Variants in NRXN1 observed in about 807,000 individuals in gnomAD.
NRXN1 encodes the protein neurexin 1.
A neutral mutation model predicts 150.9 loss-of-function variants in NRXN1; 39 were observed. The ratio of observed to expected loss-of-function variants is 0.26; its 90% CI spans 0.20 to 0.34. The LOEUF (loss-of-function observed/expected upper bound fraction) is 0.34. Ranked by LOEUF, NRXN1 falls within the 10% of genes least tolerant of loss-of-function variation. The pLI, the probability that NRXN1 is intolerant of heterozygous loss-of-function variation, is 1.00. For synonymous variants in NRXN1, 924 were observed against 757.0 expected (o/e 1.22, Z -3.62); for missense variants, 1,815 against 1,949.9 (o/e 0.93, Z 1.30).
At chr2:50,281,676 C>G (rs1438572947) in intron 17 of NRXN1, among the ~76,000 whole-genome samples, 1 of 152,114 alleles carries the variant, frequency 6.6e-6, no homozygotes, top group Non-Finnish European at 1.5e-5. Context: ...AGATGATAAA[C>G]TGTTCCCAAT....
chr2:50,205,545 G>A (rs765930440), intron 18 of NRXN1, among the ~76,000 whole-genome samples: 3 of 151,918 alleles, frequency 2.0e-5, no homozygotes, highest in African/African-American at 7.2e-5. Flanking sequence ...TGCAACATAC[G>A]GAATATATGT....
At chr2:49,933,807 C>T (rs549785745) in intron 22 of NRXN1, among the ~76,000 whole-genome samples, 43 of 152,172 alleles carry the variant, frequency 2.8e-4, no homozygotes, top group Non-Finnish European at 5.6e-4. Context: ...GCTGTCCCAA[C>T]AATTATACAG....
chr2:50,173,462 T>C (rs1373978376), intron 18 of NRXN1, among the ~76,000 whole-genome samples: 3 of 152,300 alleles, frequency 2.0e-5, no homozygotes, highest in East Asian at 1.9e-4. Context: ...ATTTTGAAGA[T>C]TGAGTACAGT....
At chr2:50,940,485 AAAAAG>A (rs1558458958) in intron 2 of NRXN1, among the ~76,000 whole-genome samples, 3 of 151,710 alleles carry the variant, frequency 2.0e-5, no homozygotes, top group South Asian at 4.1e-4. Context: ...AAAAAAAAAA[AAAAAG>A]AAAAGAAAAG....
intron 18 of NRXN1, among the ~76,000 whole-genome samples, chr2:50,156,119 C>T (rs1167188300): frequency 6.6e-6 from 1 of 151,262 alleles, no homozygotes; most frequent in Non-Finnish European, 1.5e-5. Flanking sequence ...TATAAAGTTC[C>T]TACAATAAAT....
intron 18 of NRXN1, among the ~76,000 whole-genome samples, chr2:50,178,184 T>A (rs181916059): frequency 1.1e-4 from 17 of 152,206 alleles, no homozygotes. Flanking sequence ...AAAATCGATA[T>A]GAGCTGCAAT....
intron 17 of NRXN1, among the ~76,000 whole-genome samples, chr2:50,414,901 A>G (rs1335642830): frequency 6.6e-6 from 1 of 152,142 alleles, no homozygotes; most frequent in Non-Finnish European, 1.5e-5. Context: ...TTCATTTGAA[A>G]CCTATTAATT....
chr2:50,181,606 C>T (rs1389873378), intron 18 of NRXN1, among the ~76,000 whole-genome samples: 1 of 151,984 alleles, frequency 6.6e-6, no homozygotes, highest in East Asian at 1.9e-4. Flanking sequence ...TAAATTTTGG[C>T]CATTTACAGC....
intron 5 of NRXN1, among the ~76,000 whole-genome samples, chr2:50,864,310 G>A (rs893613337): frequency 6.6e-6 from 1 of 151,826 alleles, no homozygotes; most frequent in East Asian, 1.9e-4. Context: ...AAAAGCTGTG[G>A]GTCAAACACA....
In NRXN1 at chr2:50,006,386, G is replaced by T. The variant is rs2152539743; in HGVS notation, c.4128+46885C>A. ...ACAGCTCTAATAATTCCATTCCCTG[G>T]CTTAAAAAACATCAATTGCTCTCTA... On this transcript the variant is annotated intron_variant, in intron 21 of 22. Coordinates refer to ENST00000401669, the MANE Select transcript of NRXN1 (RefSeq NM_001330078.2). 1.3e-5 allele frequency among the ~76,000 whole-genome samples: 2 copies of T among 152,090 alleles called. 1 individual carries two copies. The highest frequency in any genetic ancestry group is 4.1e-4 in the South Asian group (2 of 4,828).
At chr2:50,366,325 A>G (rs748950059) in intron 17 of NRXN1, among the ~76,000 whole-genome samples, 2 of 152,000 alleles carry the variant, frequency 1.3e-5, no homozygotes, top group Non-Finnish European at 2.9e-5. Context: ...GGTAGTATCT[A>G]TATAGAAACA....
intron 2 of NRXN1, among the ~76,000 whole-genome samples, chr2:51,003,433 G>T (rs1700314509): frequency 6.6e-6 from 1 of 151,764 alleles, no homozygotes; most frequent in Non-Finnish European, 1.5e-5. Flanking sequence ...GATAAATTAT[G>T]GTGCCTATTA....
intron 2 of NRXN1, among the ~76,000 whole-genome samples, chr2:50,945,545 T>A (rs1296359749): frequency 6.6e-6 from 1 of 151,660 alleles, no homozygotes; most frequent in Non-Finnish European, 1.5e-5. Context: ...TATGGCTATG[T>A]TGCAATAAAA....
intron 17 of NRXN1, among the ~76,000 whole-genome samples, chr2:50,266,731 T>C (rs2068944269): frequency 6.6e-6 from 1 of 152,030 alleles, no homozygotes; most frequent in Admixed American, 6.6e-5. Context: ...TCCTCGATAC[T>C]GCTTTGCCTA....
intron 21 of NRXN1, among the ~76,000 whole-genome samples, chr2:50,006,152 A>G (rs1354015520): frequency 6.6e-6 from 1 of 152,124 alleles, no homozygotes; most frequent in Non-Finnish European, 1.5e-5. Context: ...CTCCATCCTC[A>G]AAGCTCATAA....
intron 2 of NRXN1, among the ~76,000 whole-genome samples, chr2:50,943,655 C>T (rs1689851739): frequency 2.0e-5 from 3 of 152,122 alleles, no homozygotes; most frequent in African/African-American, 7.2e-5. Flanking sequence ...TGATGAGAAG[C>T]AATCATCCCA....
intron 18 of NRXN1, among the ~76,000 whole-genome samples, chr2:50,137,740 T>G: frequency 6.6e-6 from 1 of 152,156 alleles, no homozygotes; most frequent in East Asian, 1.9e-4. Context: ...GGTTCAATTT[T>G]GATTGGAAGT....
chr2:50,705,481 T>A (rs1694310373), intron 5 of NRXN1, among the ~76,000 whole-genome samples: 1 of 152,208 alleles, frequency 6.6e-6, no homozygotes, highest in Non-Finnish European at 1.5e-5. Flanking sequence ...TCCACAATTA[T>A]GTGAGTAACA....
chr2:50,165,587 G>A (rs1306260472), intron 18 of NRXN1, among the ~76,000 whole-genome samples: 1 of 152,152 alleles, frequency 6.6e-6, no homozygotes, highest in Non-Finnish European at 1.5e-5. Flanking sequence ...GACCTCAGGT[G>A]ATACACCCAC....
Sources: gnomAD v4.1 joint callset for allele counts (sites outside exome capture counted in the v4.1 genomes callset) on GRCh38, gnomAD v4.1.1 for gene constraint, MANE v1.5 for transcripts, NCBI Gene and HGNC (gene_info 2026-07-23, HGNC 2026-07-21) for gene names.